The following NPEPPS variants were observed in gnomAD, a reference collection of about 807,000 sequenced individuals.
NPEPPS encodes puromycin-sensitive aminopeptidase.
A neutral mutation model predicts 115.5 loss-of-function variants in NPEPPS; 14 were observed. The ratio of observed to expected loss-of-function variants is 0.12; its 90% CI spans 0.08 to 0.19. The LOEUF is 0.19. NPEPPS is among the 10% of genes least tolerant of loss of function. The pLI is 1.00. For synonymous variants in NPEPPS, 285 were observed against 390.6 expected (o/e 0.73, Z 3.19); for missense variants, 523 against 1,110.8 (o/e 0.47, Z 7.52).
At chr17:47,573,152 C>A (rs1911303666) in intron 3 of NPEPPS, among the ~76,000 whole-genome samples, 2 of 152,114 alleles carry the variant, frequency 1.3e-5, no homozygotes, top group South Asian at 4.1e-4. Context: ...CAAAGGTACA[C>A]CATTGAGAGA....
At chr17:47,569,277 ACT>A (rs1442942098) in intron 2 of NPEPPS, 138 bp from the exon 3 acceptor site, 1 of 607,942 alleles carries the variant, frequency 1.6e-6, no homozygotes, top group Non-Finnish European at 3.0e-6. Flanking sequence ...TTGAAATGAA[ACT>A]CTTGCTAATA....
intron 11 of NPEPPS, 48 bp from the exon 12 acceptor site, chr17:47,592,437 A>C (rs1334127267): frequency 6.5e-7 from 1 of 1,531,384 alleles, no homozygotes. Flanking sequence ...ATATACTATA[A>C]ATTCTGAGAT....
At chr17:47,552,031 G>A (rs1195231067) in intron 2 of NPEPPS, among the ~76,000 whole-genome samples, 1 of 115,474 alleles carries the variant, frequency 8.7e-6, no homozygotes, top group Non-Finnish European at 1.8e-5. Context: ...GGAATGCAGT[G>A]GCACAGTCGT....
chr17:47,530,940 C>G (rs867380907), upstream of NPEPPS: 1 of 151,480 alleles, frequency 6.6e-6, no homozygotes, highest in Admixed American at 6.6e-5. Flanking sequence ...GCGGCGCCGA[C>G]AGGTGCAGCG....
chr17:47,610,971 AGC>A lies in NPEPPS; in HGVS notation c.2096-1488_2096-1487del, dbSNP rs1913830737. On this transcript the variant is annotated intron_variant, in intron 17 of 22. Coordinates refer to ENST00000322157, the MANE Select transcript of NPEPPS (RefSeq NM_006310.4). Reference sequence around the variant, plus strand: ...TGGGTTCAAGTGATTCCCCTGCCTCAGCCTTCTGAGTAGCTGGGATTACAGGT... The same window carrying A: ...TGGGTTCAAGTGATTCCCCTGCCTCACTTCTGAGTAGCTGGGATTACAGGT... 4.7e-5 allele frequency among the ~76,000 whole-genome samples: 7 copies of A among 147,712 alleles called. No homozygotes were observed. In the South Asian group the frequency reaches 1.5e-3, roughly 31 times the overall value.
At chr17:47,612,111 C>T (rs1913908453) in intron 17 of NPEPPS, among the ~76,000 whole-genome samples, 1 of 152,152 alleles carries the variant, frequency 6.6e-6, no homozygotes, top group South Asian at 2.1e-4. Context: ...CATATGTGAT[C>T]TTTCTTTGAA....
Position 47,531,191 on chromosome 17 carries a change from A to G in NPEPPS, c.-110A>G, listed in dbSNP as rs901159047. On this transcript the variant is annotated 5_prime_UTR_variant, in exon 1 of 23. Coordinates refer to ENST00000322157, the MANE Select transcript of NPEPPS (RefSeq NM_006310.4). Reference sequence around the variant, plus strand: ...CTTCCCCGTAGGCAGCCCGCCCGCCAGTCCGCCCGCACCGCCTCCTTCCCA... The same window carrying G: ...CTTCCCCGTAGGCAGCCCGCCCGCCGGTCCGCCCGCACCGCCTCCTTCCCA... 2.5e-6 allele frequency: 2 copies of G among 800,820 alleles called. No homozygotes were observed. Among genetic ancestry groups the G allele is most frequent in the South Asian group, 4.8e-5 (1 of 20,620 alleles). The allele number at this position is 800,820 out of a possible 1,614,324, so 49.6% of individuals were successfully genotyped here.
chr17:47,555,581 A>T (rs1450026680), intron 2 of NPEPPS, among the ~76,000 whole-genome samples: 1 of 151,014 alleles, frequency 6.6e-6, no homozygotes, highest in Non-Finnish European at 1.5e-5. Context: ...CTCCGACCAC[A>T]GGTGATCTGC....
chr17:47,551,001 CTATT>C (rs1409706879), intron 2 of NPEPPS, among the ~76,000 whole-genome samples: 1 of 152,154 alleles, frequency 6.6e-6, no homozygotes, highest in Non-Finnish European at 1.5e-5. Context: ...CATCAAGAGA[CTATT>C]TAGCTTTGTT....
rs563328345 is a variant in NPEPPS, at chr17:47,550,125, A to G, written c.340+4132A>G. Among the ~76,000 whole-genome samples the G allele has an allele frequency of 6.6e-4, 100 of 151,752 alleles. No individual in the cohort carries two copies. In the East Asian group the frequency reaches 0.017, roughly 26 times the overall value. Reference sequence around the variant, plus strand: ...AATTTTTGTATTTTTAGTAGAGACGAGGTTTTACCGTATTAGCCAGGATGG... The same window carrying G: ...AATTTTTGTATTTTTAGTAGAGACGGGGTTTTACCGTATTAGCCAGGATGG... On this transcript the variant is annotated intron_variant, in intron 2 of 22. Transcript: ENST00000322157.
chr17:47,530,578 G>C (rs532919187), upstream of NPEPPS, among the ~76,000 whole-genome samples: 2 of 149,954 alleles, frequency 1.3e-5, no homozygotes, highest in South Asian at 4.2e-4. Context: ...GGATGGTCTC[G>C]ATCTCCTTGA....
At chr17:47,615,073 CTTTTTTTTT>C (rs60829784) in intron 19 of NPEPPS, among the ~76,000 whole-genome samples, 57,842 of 122,796 alleles carry the variant, frequency 0.47, 12,244 homozygotes, top group Middle Eastern at 0.62. Context: ...TACTTTCTTT[CTTTTTTTTT>C]TTTTTTTTTT....
intron 3 of NPEPPS, among the ~76,000 whole-genome samples, chr17:47,570,653 C>G (rs927191193): frequency 6.6e-6 from 1 of 152,124 alleles, no homozygotes; most frequent in Non-Finnish European, 1.5e-5. Context: ...ATATACAAAT[C>G]AATTGGTGAA....
At chr17:47,554,625 G>T (rs1048736889) in intron 2 of NPEPPS, among the ~76,000 whole-genome samples, 77 of 152,154 alleles carry the variant, frequency 5.1e-4, no homozygotes, top group African/African-American at 1.7e-3. Flanking sequence ...CTCCCAAAGT[G>T]CCAGGATTAC....
chr17:47,580,246 T>A (rs577846430), intron 4 of NPEPPS: 1 of 152,276 alleles, frequency 6.6e-6, no homozygotes, highest in East Asian at 1.9e-4. Context: ...TTACCTGATG[T>A]ATCTTCTCTT....
intron 1 of NPEPPS, among the ~76,000 whole-genome samples, chr17:47,533,634 T>C (rs1907985403): frequency 6.6e-6 from 1 of 151,962 alleles, no homozygotes; most frequent in African/African-American, 2.4e-5. Context: ...ATTAAAGAAG[T>C]GAGTTTGATT....
chr17:47,617,718 A>C (rs537064031), intron 19 of NPEPPS, among the ~76,000 whole-genome samples: 1 of 152,318 alleles, frequency 6.6e-6, no homozygotes, highest in Non-Finnish European at 1.5e-5. Flanking sequence ...CATTAGCCAG[A>C]TATCAATGAT....
chr17:47,585,018 G>A (rs1912099918), intron 5 of NPEPPS, among the ~76,000 whole-genome samples: 1 of 151,908 alleles, frequency 6.6e-6, no homozygotes, highest in Non-Finnish European at 1.5e-5. Context: ...TAGTAGAGAT[G>A]GGGTTTCACC....
intron 1 of NPEPPS, among the ~76,000 whole-genome samples, chr17:47,545,006 A>G (rs908810167): frequency 3.4e-5 from 5 of 147,592 alleles, no homozygotes; most frequent in African/African-American, 7.5e-5. Flanking sequence ...CCCCCAGCCT[A>G]TTTTTATTTT....
Sources: gnomAD v4.1 joint callset for allele counts (sites outside exome capture counted in the v4.1 genomes callset) on GRCh38, gnomAD v4.1.1 for gene constraint, MANE v1.5 for transcripts, NCBI Gene and HGNC (gene_info 2026-07-23, HGNC 2026-07-21) for gene names.